The following PAPSS2 variants were observed in gnomAD, a reference collection of about 807,000 sequenced individuals.
The protein encoded by PAPSS2 is bifunctional 3'-phosphoadenosine 5'-phosphosulfate synthase 2.
A neutral mutation model predicts 66.5 loss-of-function variants in PAPSS2; 61 were observed. The ratio of observed to expected loss-of-function variants is 0.92; its 90% confidence interval spans 0.75 to 1.14. The LOEUF (loss-of-function observed/expected upper bound fraction) is 1.14. Among genes scored for constraint, PAPSS2 ranks in the 50% most tolerant of loss-of-function variants. The pLI, the probability that PAPSS2 is intolerant of heterozygous loss-of-function variation, is 0.00. For synonymous variants in PAPSS2, 289 were observed against 287.5 expected (o/e 1.01, Z -0.05); for missense variants, 708 against 789.6 (o/e 0.90, Z 1.24).
At chr10:87,679,246 A>G (rs1258850326) in intron 1 of PAPSS2, among the ~76,000 whole-genome samples, 1 of 152,212 alleles carries the variant, frequency 6.6e-6, no homozygotes, top group African/African-American at 2.4e-5. Flanking sequence ...ATCAAGGTAG[A>G]GAGTAGAATG....
intron 1 of PAPSS2, among the ~76,000 whole-genome samples, chr10:87,669,660 T>A (rs1163992251): frequency 6.6e-6 from 1 of 152,258 alleles, no homozygotes; most frequent in Admixed American, 6.5e-5. Context: ...AGAAAATTCC[T>A]ACTCTGTTGT....
intron 1 of PAPSS2, among the ~76,000 whole-genome samples, chr10:87,661,626 C>T (rs898056581): frequency 6.6e-5 from 10 of 152,012 alleles, no homozygotes; most frequent in African/African-American, 7.3e-5. Context: ...TGCCTCCAGT[C>T]GGCAGGAGCC....
At chr10:87,675,711 T>G (rs1225776507) in intron 1 of PAPSS2, among the ~76,000 whole-genome samples, 1 of 152,172 alleles carries the variant, frequency 6.6e-6, no homozygotes, top group Non-Finnish European at 1.5e-5. Context: ...GTAGTCCAGT[T>G]TTTCTCCACC....
rs117641652 is a variant in PAPSS2 at position 87,684,829 on chromosome 10, G to A, written c.28-24367G>A. 2.8e-3 allele frequency among the ~76,000 whole-genome samples: 434 copies of A among 152,318 alleles called. 1 individual carries two copies. The highest frequency in any genetic ancestry group is 5.1e-3 in the Non-Finnish European group (346 of 68,026). On this transcript the variant is annotated intron_variant, in intron 1 of 12. Coordinates refer to ENST00000456849, the MANE Select transcript of PAPSS2 (RefSeq NM_001015880.2). Reference sequence around the variant, plus strand: ...TACCTCAAGTCACACAGGTCATTTCGTGGTTGAGCCAGACCTTGAGCCAAG... The same window carrying A: ...TACCTCAAGTCACACAGGTCATTTCATGGTTGAGCCAGACCTTGAGCCAAG...
At chr10:87,715,474 G>A (rs1853521401) in intron 6 of PAPSS2, among the ~76,000 whole-genome samples, 2 of 152,194 alleles carry the variant, frequency 1.3e-5, no homozygotes, top group South Asian at 4.1e-4. Flanking sequence ...TGCACATTTT[G>A]GGAATAGATA....
At chr10:87,718,172 G>A (rs1853554396) in intron 7 of PAPSS2, among the ~76,000 whole-genome samples, 1 of 151,978 alleles carries the variant, frequency 6.6e-6, no homozygotes, top group Admixed American at 6.5e-5. Flanking sequence ...TAGGACTACA[G>A]GTGCATGCCA....
chr10:87,727,040 C>T (rs1360522623), intron 8 of PAPSS2, among the ~76,000 whole-genome samples: 1 of 152,168 alleles, frequency 6.6e-6, no homozygotes, highest in Non-Finnish European at 1.5e-5. Context: ...CTTATGGAGG[C>T]CACCTCCATG....
intron 7 of PAPSS2, among the ~76,000 whole-genome samples, chr10:87,716,367 A>AT (rs374799850): frequency 3.4e-4 from 52 of 152,384 alleles, no homozygotes; most frequent in African/African-American, 1.1e-3. Context: ...ACAAAAGAGC[A>AT]TTAAGGCAGC....
chr10:87,708,225 A>G (rs1473026714), intron 1 of PAPSS2, among the ~76,000 whole-genome samples: 3 of 152,248 alleles, frequency 2.0e-5, no homozygotes, highest in Non-Finnish European at 2.9e-5. Context: ...TGATTTTATT[A>G]CAGCCAAAAT....
chr10:87,681,449 A>G (rs146261900), intron 1 of PAPSS2, among the ~76,000 whole-genome samples: 163 of 152,376 alleles, frequency 1.1e-3, no homozygotes, highest in African/African-American at 3.4e-3. Context: ...TGGAACTACT[A>G]CAAGAATTTG....
chr10:87,720,732 A>C (rs1048856144), intron 7 of PAPSS2, among the ~76,000 whole-genome samples: 7 of 129,054 alleles, frequency 5.4e-5, no homozygotes, highest in South Asian at 6.0e-4. Context: ...CTGTCTACTC[A>C]GTCCAAAAGC....
chr10:87,717,973 T>C (rs2131713370), intron 7 of PAPSS2, among the ~76,000 whole-genome samples: 1 of 152,344 alleles, frequency 6.6e-6, no homozygotes, highest in South Asian at 2.1e-4. Flanking sequence ...TTTTACACTG[T>C]CTCAATTTCA....
chr10:87,721,195 T>C (rs1853595734), intron 7 of PAPSS2, among the ~76,000 whole-genome samples: 1 of 152,224 alleles, frequency 6.6e-6, no homozygotes, highest in African/African-American at 2.4e-5. Flanking sequence ...AAATATGTAT[T>C]AGAAAGGTTA....
In PAPSS2 at chr10:87,680,876, T is replaced by G. The variant is rs193240700; in HGVS notation, c.27+20868T>G. On this transcript the variant is annotated intron_variant, in intron 1 of 12. Coordinates refer to ENST00000456849, the MANE Select transcript of PAPSS2 (RefSeq NM_001015880.2). ...CGTTATACAATCTTTTGTGTTTGGT[T>G]TCTTTTGCTCCGAGATGTATTTGTG... Among the ~76,000 whole-genome samples the G allele has an allele frequency of 9.8e-5, 15 of 152,300 alleles. No homozygotes were observed. The East Asian group carries it at 2.9e-3, about 29-fold the overall frequency.
intron 7 of PAPSS2, among the ~76,000 whole-genome samples, chr10:87,716,318 C>T (rs1308945515): frequency 6.6e-6 from 1 of 152,200 alleles, no homozygotes; most frequent in South Asian, 2.1e-4. Context: ...CATGCCCACA[C>T]ATGAAATATA....
rs138790227 is a variant in PAPSS2, at chr10:87,670,275, T to C, written c.27+10267T>C. Among the ~76,000 whole-genome samples the C allele has an allele frequency of 4.4e-3, 676 of 152,356 alleles. 1 individual carries two copies. Among genetic ancestry groups the C allele is most frequent in the African/African-American group, 0.015 (639 of 41,582 alleles). ...GAACCAAGTTGTAATATTAATATGA[T>C]TTGTAGATAATAAAAAAGAAAGTAG... On this transcript the variant is annotated intron_variant, in intron 1 of 12. Transcript: ENST00000456849.
At chr10:87,725,666 A>G (rs1853649191) in intron 8 of PAPSS2, among the ~76,000 whole-genome samples, 1 of 151,998 alleles carries the variant, frequency 6.6e-6, no homozygotes, top group Non-Finnish European at 1.5e-5. Context: ...CATCAAGAGG[A>G]CTGCTCGTTT....
intron 1 of PAPSS2, among the ~76,000 whole-genome samples, chr10:87,706,098 A>ATGTG (rs1408888630): frequency 1.2e-5 from 1 of 83,384 alleles, no homozygotes; most frequent in Admixed American, 1.2e-4. Flanking sequence ...ATATATATAT[A>ATGTG]TATATATATA....
At chr10:87,668,967 A>G (rs1162907581) in intron 1 of PAPSS2, among the ~76,000 whole-genome samples, 3 of 152,190 alleles carry the variant, frequency 2.0e-5, no homozygotes, top group Non-Finnish European at 4.4e-5. Context: ...TATTTTCCAT[A>G]AACAAAACTT....
Sources: gnomAD v4.1 joint callset for allele counts (sites outside exome capture counted in the v4.1 genomes callset) on GRCh38, gnomAD v4.1.1 for gene constraint, MANE v1.5 for transcripts, NCBI Gene and HGNC (gene_info 2026-07-23, HGNC 2026-07-21) for gene names.